Variants in SMIM27 observed in about 807,000 individuals in gnomAD.
SMIM27 encodes transition zone microprotein 1.
SMIM27 carries 3 observed loss-of-function variants against 1.8 expected under a neutral mutation model. The ratio of observed to expected loss-of-function variants is 1.65; its 90% CI spans 0.75 to 4.28. The LOEUF (loss-of-function observed/expected upper bound fraction) is 4.28, where lower values mean the gene tolerates loss of function less well. Ranked by LOEUF, SMIM27 falls within the 30% of genes most tolerant of loss-of-function variation. The pLI, the probability that SMIM27 is intolerant of heterozygous loss-of-function variation, is 0.02. For missense variants in SMIM27, 63 were observed against 37.0 expected (o/e 1.70, Z -1.83); for synonymous variants, 19 against 13.9 (o/e 1.37, Z -0.82).
exon 2 of SMIM27, chr9:32,566,434 G>C (rs993381066): frequency 2.5e-5 from 21 of 836,908 alleles, no homozygotes; most frequent in Non-Finnish European, 4.5e-5. Flanking sequence ...GTTACTGTAG[G>C]GGTTGATGGA....
intron 1 of SMIM27, among the ~76,000 whole-genome samples, chr9:32,559,755 T>C (rs985935061): frequency 6.6e-6 from 1 of 152,172 alleles, no homozygotes; most frequent in African/African-American, 2.4e-5. Context: ...TTTTCTTCTA[T>C]AGACTTGTTC....
upstream of SMIM27, chr9:32,551,463 C>A: frequency 3.7e-6 from 1 of 273,514 alleles, no homozygotes; most frequent in Non-Finnish European, 7.4e-6. Context: ...GAGGGATCCC[C>A]TCCAGGCTGG....
chr9:32,556,899 T>C (rs921146327), downstream of SMIM27, among the ~76,000 whole-genome samples: 59 of 138,388 alleles, frequency 4.3e-4, no homozygotes, highest in Admixed American at 9.7e-4. Context: ...TCGCTAAGGC[T>C]GGAGTGCAGT....
downstream of SMIM27, chr9:32,553,585 G>T (rs1460720810): frequency 2.9e-6 from 1 of 343,558 alleles, no homozygotes. Flanking sequence ...CCAAATTAGT[G>T]TAAGTACTGT....
At chr9:32,551,766 C>A (rs1022841017), upstream of SMIM27, 1 of 449,142 alleles carries the variant, frequency 2.2e-6, no homozygotes, top group Non-Finnish European at 4.5e-6. Flanking sequence ...ACATCAGACA[C>A]GCTCAACAAA....
chr9:32,554,874 T>C (rs1482613056), downstream of SMIM27, among the ~76,000 whole-genome samples: 2 of 152,178 alleles, frequency 1.3e-5, no homozygotes, highest in Non-Finnish European at 2.9e-5. Context: ...ATATCTCCTA[T>C]AACTTGGAAG....
downstream of SMIM27, among the ~76,000 whole-genome samples, chr9:32,556,692 A>C (rs1240114028): frequency 3.3e-5 from 5 of 152,208 alleles, no homozygotes; most frequent in Non-Finnish European, 7.3e-5. Flanking sequence ...AGTAAATGGC[A>C]AAATAAATTA....
At chr9:32,554,329 C>T (rs148297780), downstream of SMIM27, among the ~76,000 whole-genome samples, 13 of 152,302 alleles carry the variant, frequency 8.5e-5, no homozygotes, top group South Asian at 2.3e-3. Context: ...GAATGTGTTA[C>T]GCAATCACCA....
intron 1 of SMIM27, among the ~76,000 whole-genome samples, chr9:32,565,244 G>A (rs145637262): frequency 1.3e-5 from 2 of 151,426 alleles, no homozygotes; most frequent in Non-Finnish European, 2.9e-5. Flanking sequence ...AGTGAGCCGA[G>A]ATCGCGCCAC....
rs1265217100 is a variant in SMIM27 at position 32,552,357 on chromosome 9, T to A, written c.-78T>A. On this transcript the variant is annotated 5_prime_UTR_variant, in exon 1 of 2. Transcript: ENST00000692500. The stretch of plus-strand genomic sequence containing the variant: ...CGGCTAAAAGATGGCTGCTGGCGCC[T>A]GGCAGCCACCGCCTGGGAGGTTACT... 3.8e-6 allele frequency: 6 copies of A among 1,575,484 alleles called. No individual in the cohort carries two copies. Among genetic ancestry groups the A allele is most frequent in the Non-Finnish European group, 5.2e-6 (6 of 1,158,366 alleles).
rs1272211527 is a variant in SMIM27, at chr9:32,566,768, T to TA, written c.*315_*316insA. ...GCGGGTCCTCAGCCCGGGTGTCGGC[T>TA]GCGACGTTCTGGCTGACGTTGTACA... On this transcript the variant is annotated 3_prime_UTR_variant, in exon 2 of 2. Transcript: ENST00000451672. 4.4e-6 allele frequency: 4 copies of TA among 902,846 alleles called. No homozygotes were observed. The African/African-American group carries it at 6.5e-5, about 15-fold the overall frequency. 55.9% of individuals were successfully genotyped at this position (902,846 alleles called of 1,614,324 possible).
intron 1 of SMIM27, 100 bp downstream of exon 1, chr9:32,552,579 C>T (rs897486080): frequency 3.8e-6 from 4 of 1,058,334 alleles, no homozygotes; most frequent in Non-Finnish European, 4.3e-6. Flanking sequence ...AAAATCCATT[C>T]CTGAATTAAG....
upstream of SMIM27, chr9:32,551,948 G>A (rs940454059): frequency 1.6e-5 from 5 of 306,032 alleles, no homozygotes; most frequent in Non-Finnish European, 2.8e-5. Context: ...AGATGAACAG[G>A]CGAACGTCCA....
chr9:32,554,259 A>G (rs1251925389), downstream of SMIM27, among the ~76,000 whole-genome samples: 1 of 152,356 alleles, frequency 6.6e-6, no homozygotes, highest in East Asian at 1.9e-4. Flanking sequence ...AGGCCCCAGA[A>G]AGAAGTTGCA....
intron 1 of SMIM27, among the ~76,000 whole-genome samples, chr9:32,561,576 G>A (rs1385865264): frequency 6.6e-6 from 1 of 151,932 alleles, no homozygotes; most frequent in Admixed American, 6.6e-5. Context: ...CAATCCACCC[G>A]CCTCAGCCTC....
intron 1 of SMIM27, among the ~76,000 whole-genome samples, chr9:32,564,785 G>A (rs1192626840): frequency 2.0e-5 from 3 of 152,156 alleles, no homozygotes; most frequent in African/African-American, 7.2e-5. Flanking sequence ...CCAGTGCACT[G>A]AACAGCTTCC....
chr9:32,551,291 A>C, upstream of SMIM27: 1 of 496,804 alleles, frequency 2.0e-6, no homozygotes. Flanking sequence ...ACCTTACCAA[A>C]CTCTGCGGAA....
At chr9:32,553,759 G>T, downstream of SMIM27, 1 of 717,494 alleles carries the variant, frequency 1.4e-6, no homozygotes, top group Non-Finnish European at 2.4e-6. Flanking sequence ...CTTGAAAACA[G>T]ATATGACAAT....
At chr9:32,553,198 G>T, downstream of SMIM27, 2 of 286,536 alleles carry the variant, frequency 7.0e-6, no homozygotes, top group African/African-American at 2.2e-5. Flanking sequence ...GATTCGGAAA[G>T]CTTTTTTTTT....
Sources: allele counts gnomAD v4.1 joint callset (sites outside exome capture counted in the v4.1 genomes callset), GRCh38; gene constraint gnomAD v4.1.1; transcripts MANE v1.5; gene names NCBI Gene and HGNC (gene_info 2026-07-23, HGNC 2026-07-21).